The following SAP130 variants were observed in gnomAD, a reference collection of about 807,000 sequenced individuals.
SAP130 encodes the protein histone deacetylase complex subunit SAP130.
A neutral mutation model predicts 103.2 loss-of-function variants in SAP130; 16 were observed. The ratio of observed to expected loss-of-function variants is 0.16; its 90% CI spans 0.10 to 0.24. The LOEUF (loss-of-function observed/expected upper bound fraction) is 0.24, where lower values mean the gene tolerates loss of function less well. SAP130 is among the 10% of genes least tolerant of loss of function. The probability of loss-of-function intolerance (pLI) is 1.00; values close to 1 mark genes in which losing one functional copy is unlikely to be tolerated. For missense variants in SAP130, 990 were observed against 1,359.7 expected (o/e 0.73, Z 4.28); for synonymous variants, 477 against 497.0 (o/e 0.96, Z 0.53).
chr2:127,989,593 T>G lies in SAP130; in HGVS notation c.1751A>C (p.Gln584Pro). ...QGLQPAPMGT[Q>P]QPQPEGKTSA... is the part of the protein sequence containing the mutation. ...AGTCTTTCCTTCAGGCTGAGGCTGC[T>G]GAGTACCCATAGGTGCAGGCTGAAG... The change falls in exon 13 of 21, where the codon CAG becomes CCG. Residue 584 changes from glutamine (Q) to proline (P), a missense_variant. Gln to Pro is a moderately conservative substitution (Grantham distance 76). This residue lies in a region of SAP130 where 349 missense variants were observed against 384.1 expected (regional missense o/e 0.91). Coordinates refer to ENST00000643581, the MANE Select transcript of SAP130 (RefSeq NM_001330301.2). This position sits in a 1 kb window ranked among gnomAD's most constrained non-coding sequence, Gnocchi z 4.6. 4 of 1,613,744 alleles carry G rather than the reference T, an allele frequency of 2.5e-6. No individual in the cohort carries two copies. The highest frequency in any genetic ancestry group is 3.4e-6 in the Non-Finnish European group (4 of 1,179,660).
At chr2:127,949,608 T>G (rs1393334574) in intron 18 of SAP130, among the ~76,000 whole-genome samples, 5 of 152,232 alleles carry the variant, frequency 3.3e-5, no homozygotes, top group African/African-American at 1.2e-4. Flanking sequence ...TGTTAACATG[T>G]GGGTTTTACA....
chr2:128,027,144 G>A, intron 1 of SAP130: 2 of 1,367,956 alleles, frequency 1.5e-6, no homozygotes, highest in South Asian at 1.9e-5. Flanking sequence ...GCCGGCCTGG[G>A]GGTGCCGCGG....
At position 127,950,559 on chromosome 2, in the gene SAP130, CTG is replaced by C; in HGVS notation, c.2423-153_2423-152del. On this transcript the variant is annotated intron_variant, in intron 16 of 20. Transcript: ENST00000643581. ...TGTGTCTGGCACTGTGCTAAGCACT[CTG>C]TGGCAGAAGCTGCAAACTCCTCCCT... is the stretch of plus-strand genomic sequence containing the variant. 1.3e-5 allele frequency: 11 copies of C among 879,436 alleles called. No individual in the cohort carries two copies. In the South Asian group the frequency reaches 1.9e-4, roughly 16 times the overall value. 54.5% of individuals were successfully genotyped at this position (879,436 alleles called of 1,614,324 possible). A position where few individuals can be genotyped will look rare whatever the true frequency, so the allele number is the denominator to read the frequency against.
At chr2:128,004,563 A>G (rs1573804856) in intron 7 of SAP130, among the ~76,000 whole-genome samples, 1 of 152,016 alleles carries the variant, frequency 6.6e-6, no homozygotes, top group African/African-American at 2.4e-5. Context: ...AAGGAAGTAT[A>G]ATACTCCAAA....
intron 2 of SAP130, among the ~76,000 whole-genome samples, chr2:128,022,516 A>G (rs9808475): frequency 0.25 from 38,275 of 152,140 alleles, 5,051 homozygotes; most frequent in African/African-American, 0.33. Flanking sequence ...GTGTATATTT[A>G]ATTTTATAAG....
intron 7 of SAP130, among the ~76,000 whole-genome samples, chr2:128,008,972 A>G (rs913582887): frequency 1.3e-5 from 2 of 152,172 alleles, no homozygotes; most frequent in Non-Finnish European, 2.9e-5. Context: ...TGCATGAGCC[A>G]TTATATCTTG....
chr2:128,027,552 A>G (rs1465503442), intron 1 of SAP130, among the ~76,000 whole-genome samples: 1 of 151,138 alleles, frequency 6.6e-6, no homozygotes, highest in Non-Finnish European at 1.5e-5. Context: ...AGGGTCTGAA[A>G]GCGGCGGGCG....
intron 2 of SAP130, 71 bp downstream of exon 2, chr2:128,026,110 A>G: frequency 1.9e-6 from 2 of 1,029,652 alleles, no homozygotes; most frequent in Non-Finnish European, 2.9e-6. Context: ...AGAATCTGCT[A>G]ATTTTTAAGT....
chr2:128,010,484 G>A (rs1238623533), intron 6 of SAP130, 91 bp from the exon 7 acceptor site: 2 of 1,221,790 alleles, frequency 1.6e-6, no homozygotes, highest in Non-Finnish European at 2.3e-6. Context: ...TGAGCCTACA[G>A]ATAAGCATGT....
At position 127,965,821 on chromosome 2, in the gene SAP130, A is replaced by C. The variant is rs376894320; in HGVS notation, c.2064-10477T>G. Among the ~76,000 whole-genome samples, 51 of 151,850 alleles carry C rather than the reference A, an allele frequency of 3.4e-4. 1 individual carries two copies. The South Asian group carries it at 6.4e-3, about 19-fold the overall frequency. On this transcript the variant is annotated intron_variant, in intron 15 of 20. Coordinates refer to ENST00000643581, the MANE Select transcript of SAP130 (RefSeq NM_001330301.2). ...GAGAGAGAGAAAAAGAAAAAGTGTA[A>C]TTAACACAGGGAATTTAATATTATC...
chr2:127,989,861 C>A lies in SAP130; in HGVS notation c.1483G>T (p.Ala495Ser). The A allele has an allele frequency of 1.2e-6, 2 of 1,611,732 alleles. No homozygotes were observed. Among genetic ancestry groups the A allele is most frequent in the Non-Finnish European group, 1.7e-6 (2 of 1,178,194 alleles). Residue 495 changes from alanine to serine, a missense_variant, in exon 13 of 21, where the codon GCT becomes TCT. Transcript: ENST00000643581. This position sits in a 1 kb window ranked among gnomAD's most constrained non-coding sequence, Gnocchi z 4.6. ...GTGATGGCAGAGTTTGGAGCCTGAG[C>A]TGAAACTAAAAATGATGCGAAAGGT... ...VSTIRQYPVS[A>S]QAPNSAITAQ...
At position 127,956,317 on chromosome 2, in the gene SAP130, T is replaced by C. The variant is rs145411943; in HGVS notation, c.2064-973A>G. ...TCTGCATCCTCTGTAATAGCCTTTA[T>C]GAAAATAGGTTAGTGTACGTAAAGT... On this transcript the variant is annotated intron_variant, in intron 15 of 20. Transcript: ENST00000643581. Among the ~76,000 whole-genome samples, 25 of 152,296 alleles carry C rather than the reference T, an allele frequency of 1.6e-4. No homozygotes were observed. In the East Asian group the frequency reaches 4.8e-3, roughly 29 times the overall value.
At chr2:127,958,475 A>G (rs1230280936) in intron 15 of SAP130, among the ~76,000 whole-genome samples, 1 of 152,250 alleles carries the variant, frequency 6.6e-6, no homozygotes, top group Non-Finnish European at 1.5e-5. Context: ...AAGATCATTA[A>G]AGCGTTCAGA....
chr2:128,012,195 C>T (rs1684445188), intron 6 of SAP130, among the ~76,000 whole-genome samples: 1 of 152,202 alleles, frequency 6.6e-6, no homozygotes, highest in Admixed American at 6.5e-5. Flanking sequence ...TTTGGCCGGG[C>T]ACAGTAGCTC....
intron 11 of SAP130, among the ~76,000 whole-genome samples, chr2:127,995,577 G>T (rs1248246600): frequency 6.6e-6 from 1 of 152,156 alleles, no homozygotes; most frequent in East Asian, 1.9e-4. Context: ...AATATATATA[G>T]ACAACACGTT....
At position 127,955,089 on chromosome 2, in the gene SAP130, T is replaced by C; in HGVS notation, c.2319A>G (p.Ser773=). 1 of 1,614,114 alleles carries C rather than the reference T, an allele frequency of 6.2e-7. No homozygotes were observed. Among genetic ancestry groups the C allele is most frequent in the Non-Finnish European group, 8.5e-7 (1 of 1,180,008 alleles). The change falls in exon 16 of 21, where the codon TCA becomes TCG. Residue 773 remains serine, a synonymous_variant. Transcript: ENST00000643581. This position sits in a 1 kb window ranked among gnomAD's most constrained non-coding sequence, Gnocchi z 4.9. ...AGGAAAGACTGCCACCCACAGTGAC[T>C]GATGGAGGTGGTGCAGCTGCAATGG... ...ITTIAAAPPP[S]VTVGGSLSSV...
In SAP130 at chr2:128,010,388, C is replaced by A. The variant is rs764213015; in HGVS notation, c.750G>T (p.Arg250=). 1 of 1,609,040 alleles carries A rather than the reference C, an allele frequency of 6.2e-7. No individual in the cohort carries two copies. Among genetic ancestry groups the A allele is most frequent in the African/African-American group, 1.3e-5 (1 of 74,550 alleles). Residue 250 remains arginine, a synonymous_variant, in exon 7 of 21, where the codon CGG becomes CGT. Transcript: ENST00000643581. ...QHIIHQPIQS[R]PPVTTSNAIP... is the part of the protein sequence containing the mutation. ...TGGCATTGGAGGTGGTCACAGGTGG[C>A]CGAGACTACCAAAAGAGAAAAAACA...
At chr2:127,959,663 C>T (rs191781328) in intron 15 of SAP130, among the ~76,000 whole-genome samples, 85 of 152,242 alleles carry the variant, frequency 5.6e-4, no homozygotes, top group African/African-American at 2.0e-3. Context: ...AACAGAAAAT[C>T]ACTCATCAAG....
intron 12 of SAP130, among the ~76,000 whole-genome samples, chr2:127,991,186 G>A (rs1682771390): frequency 6.6e-6 from 1 of 151,754 alleles, no homozygotes; most frequent in African/African-American, 2.4e-5. Context: ...GGAGGTGGAG[G>A]TTGCAGTGAG....
Sources: allele counts gnomAD v4.1 joint callset (sites outside exome capture counted in the v4.1 genomes callset), GRCh38; gene constraint gnomAD v4.1.1; regional missense constraint gnomAD v4.1.1; non-coding constraint Gnocchi (gnomAD v3.1); transcripts MANE v1.5; gene names NCBI Gene and HGNC (gene_info 2026-07-23, HGNC 2026-07-21).